NELL1: variants seen among roughly 807,000 people sequenced by gnomAD.
The protein encoded by NELL1 is protein kinase C-binding protein NELL1.
Under a neutral mutation model 107.4 loss-of-function variants are expected in NELL1, and 76 were observed. That is an observed-to-expected ratio of 0.71 (90% CI 0.59 to 0.86). The LOEUF (loss-of-function observed/expected upper bound fraction) is 0.86. Among genes scored for constraint, NELL1 ranks in the 40% least tolerant of loss-of-function variants. The pLI is 0.00. For missense variants in NELL1, 1,024 were observed against 1,005.5 expected, an observed-to-expected ratio of 1.02 and a Z score of -0.25; for synonymous variants, 353 against 341.2, an observed-to-expected ratio of 1.03 and a Z score of -0.38.
chr11:20,883,983 A>G (rs1187804026), intron 4 of NELL1, among the ~76,000 whole-genome samples: 2 of 152,226 alleles, frequency 1.3e-5, no homozygotes, highest in African/African-American at 4.8e-5. Flanking sequence ...CTGTAAAGAA[A>G]ACACATTCTG....
intron 14 of NELL1, among the ~76,000 whole-genome samples, chr11:21,238,604 G>T: frequency 6.6e-6 from 1 of 151,958 alleles, no homozygotes; most frequent in East Asian, 1.9e-4. Flanking sequence ...GGAAAGGGAA[G>T]TAGTCTTGAA....
intron 16 of NELL1, among the ~76,000 whole-genome samples, chr11:21,543,267 A>C (rs1423083995): frequency 1.3e-5 from 2 of 152,090 alleles, no homozygotes; most frequent in Non-Finnish European, 2.9e-5. Context: ...ACACAGTTTT[A>C]TCAAAGTACT....
intron 12 of NELL1, among the ~76,000 whole-genome samples, chr11:20,977,161 C>A (rs1323842994): frequency 6.6e-6 from 1 of 151,614 alleles, no homozygotes; most frequent in Non-Finnish European, 1.5e-5. Context: ...CCTATAAACT[C>A]TCATAATTTA....
chr11:21,372,244 G>C (rs574238059), intron 15 of NELL1, among the ~76,000 whole-genome samples: 1 of 151,194 alleles, frequency 6.6e-6, no homozygotes, highest in South Asian at 2.1e-4. Context: ...TGTCTTTACT[G>C]AACTACATTT....
At chr11:20,886,565 C>G (rs1210093174) in intron 5 of NELL1, among the ~76,000 whole-genome samples, 3 of 152,116 alleles carry the variant, frequency 2.0e-5, no homozygotes, top group African/African-American at 7.2e-5. Flanking sequence ...AGTACCAGAA[C>G]TTAGAGCCTT....
intron 12 of NELL1, among the ~76,000 whole-genome samples, chr11:21,052,437 C>T (rs972681518): frequency 1.3e-5 from 2 of 151,976 alleles, no homozygotes; most frequent in Admixed American, 1.3e-4. Context: ...TATCTTGGAC[C>T]ACATGGTAGC....
chr11:21,138,882 T>C (rs1326675401), intron 13 of NELL1, among the ~76,000 whole-genome samples: 1 of 152,166 alleles, frequency 6.6e-6, no homozygotes, highest in African/African-American at 2.4e-5. Flanking sequence ...GTGCCAAAGC[T>C]CTGGATTACA....
At chr11:21,102,148 C>T (rs1032318805) in intron 12 of NELL1, among the ~76,000 whole-genome samples, 6 of 152,308 alleles carry the variant, frequency 3.9e-5, no homozygotes, top group African/African-American at 1.2e-4. Context: ...CCACCACACC[C>T]GGCCAAAGTA....
At chr11:21,055,187 C>T (rs964615865) in intron 12 of NELL1, among the ~76,000 whole-genome samples, 1 of 151,840 alleles carries the variant, frequency 6.6e-6, no homozygotes, top group Admixed American at 6.6e-5. Flanking sequence ...ATTATGTATA[C>T]CTAAGTCAGC....
At chr11:21,237,756 AT>A (rs1351974200) in intron 14 of NELL1, among the ~76,000 whole-genome samples, 6 of 152,020 alleles carry the variant, frequency 3.9e-5, no homozygotes, top group African/African-American at 1.4e-4. Flanking sequence ...TTCTGTAAAC[AT>A]TTTATTTCAG....
At chr11:20,844,620 G>T (rs1019369271) in intron 3 of NELL1, among the ~76,000 whole-genome samples, 1 of 152,142 alleles carries the variant, frequency 6.6e-6, no homozygotes, top group South Asian at 2.1e-4. Flanking sequence ...ACCTGGCAGC[G>T]CCACGTGGCT....
chr11:21,543,153 C>A (rs1591021941), intron 16 of NELL1, among the ~76,000 whole-genome samples: 2 of 152,122 alleles, frequency 1.3e-5, no homozygotes, highest in East Asian at 3.9e-4. Context: ...ATAAGACCCA[C>A]CCTACACATA....
chr11:21,085,679 C>A (rs900408413), intron 12 of NELL1, among the ~76,000 whole-genome samples: 1 of 151,866 alleles, frequency 6.6e-6, no homozygotes, highest in Non-Finnish European at 1.5e-5. Context: ...GGGACAACAA[C>A]AAATGCCCCA....
At chr11:21,566,008 C>T (rs1420539600) in intron 17 of NELL1, among the ~76,000 whole-genome samples, 1 of 151,894 alleles carries the variant, frequency 6.6e-6, no homozygotes, top group African/African-American at 2.4e-5. Context: ...AGGTTTTTTT[C>T]TTTAAAGAGT....
chr11:21,337,284 C>A (rs1424957577), intron 14 of NELL1, among the ~76,000 whole-genome samples: 1 of 152,050 alleles, frequency 6.6e-6, no homozygotes, highest in Admixed American at 6.6e-5. Flanking sequence ...GAACAAAAGT[C>A]CACATAATTC....
intron 15 of NELL1, among the ~76,000 whole-genome samples, chr11:21,447,365 G>C (rs1853458308): frequency 6.6e-6 from 1 of 152,066 alleles, no homozygotes; most frequent in Admixed American, 6.6e-5. Context: ...AGCCACTATA[G>C]CTGTGTATGT....
At chr11:20,726,522 G>A (rs1398049008) in intron 2 of NELL1, among the ~76,000 whole-genome samples, 1 of 151,618 alleles carries the variant, frequency 6.6e-6, no homozygotes, top group Non-Finnish European at 1.5e-5. Context: ...GAACCCCACA[G>A]TAGAAAAATC....
intron 12 of NELL1, among the ~76,000 whole-genome samples, chr11:21,088,161 A>G (rs1854441338): frequency 6.6e-6 from 1 of 151,452 alleles, no homozygotes; most frequent in Non-Finnish European, 1.5e-5. Context: ...GATTTTATGT[A>G]CCTGGCCATA....
chr11:21,384,730 AATG>A (rs1851699617), intron 15 of NELL1, among the ~76,000 whole-genome samples: 1 of 151,836 alleles, frequency 6.6e-6, no homozygotes, highest in South Asian at 2.1e-4. Flanking sequence ...GTTTACTGAG[AATG>A]ATGATTTCCA....
Sources: gnomAD v4.1 joint callset for allele counts (sites outside exome capture counted in the v4.1 genomes callset) on GRCh38, gnomAD v4.1.1 for gene constraint, MANE v1.5 for transcripts, NCBI Gene and HGNC (gene_info 2026-07-23, HGNC 2026-07-21) for gene names.